The following LPAR3 variants were observed in gnomAD, a reference collection of about 807,000 sequenced individuals.
The protein encoded by LPAR3 is lysophosphatidic acid receptor 3.
Under a neutral mutation model 17.8 loss-of-function variants are expected in LPAR3, and 7 were observed. The observed-to-expected ratio is 0.39, with a 90% CI of 0.22 to 0.74. LPAR3 has a LOEUF of 0.74. LPAR3 is among the 30% of genes least tolerant of loss of function. LPAR3 has a pLI of 0.40. For missense variants in LPAR3, 391 were observed against 453.4 expected, an observed-to-expected ratio of 0.86 and a Z score of 1.25; for synonymous variants, 179 against 179.9, an observed-to-expected ratio of 0.99 and a Z score of 0.04.
intron 2 of LPAR3, among the ~76,000 whole-genome samples, chr1:84,855,859 G>A (rs114961301): frequency 1.6e-4 from 24 of 152,350 alleles, no homozygotes; most frequent in Non-Finnish European, 3.2e-4. Flanking sequence ...ATATGGCAGA[G>A]ACAGAAGAAA....
intron 2 of LPAR3, among the ~76,000 whole-genome samples, chr1:84,820,514 C>T (rs1434371980): frequency 6.6e-6 from 1 of 152,162 alleles, no homozygotes; most frequent in Non-Finnish European, 1.5e-5. Context: ...TAGCGTGAAG[C>T]ATCTGGGTAA....
intron 1 of LPAR3, among the ~76,000 whole-genome samples, chr1:84,887,655 G>A (rs1660485518): frequency 6.6e-6 from 1 of 152,170 alleles, no homozygotes; most frequent in Non-Finnish European, 1.5e-5. Context: ...CCAGCAGTGG[G>A]ATGGGTTGGC....
chr1:84,890,555 T>C (rs1660533843), intron 1 of LPAR3, among the ~76,000 whole-genome samples: 2 of 152,228 alleles, frequency 1.3e-5, no homozygotes, highest in Admixed American at 6.5e-5. Flanking sequence ...AAGCTTGGAC[T>C]GGAACAAAAG....
Position 84,814,092 on chromosome 1 carries a change from C to G in LPAR3, c.816G>C (p.Gln272His). The change falls in exon 3 of 3, where the codon CAG (glutamine) becomes CAC (histidine). Residue 272 changes from glutamine to histidine, a missense_variant. Transcript: ENST00000370611. ...DGLNCRQCGV[Q>H]HVKRWFLLLA... is the part of the protein sequence containing the mutation. ...GCAGCAGGAACCACCTTTTCACATG[C>G]TGCACGCCACACTGCCTGCAGTTCA... 5 of 1,614,188 alleles carry G rather than the reference C, an allele frequency of 3.1e-6. No homozygotes were observed. Among genetic ancestry groups the G allele is most frequent in the Non-Finnish European group, 4.2e-6 (5 of 1,180,036 alleles).
chr1:84,868,258 T>G (rs890030806), intron 1 of LPAR3, among the ~76,000 whole-genome samples: 2 of 152,124 alleles, frequency 1.3e-5, no homozygotes, highest in African/African-American at 2.4e-5. Context: ...CACAGGCGCA[T>G]GCCAGCACGC....
At chr1:84,820,204 G>T (rs998839897) in intron 2 of LPAR3, among the ~76,000 whole-genome samples, 13 of 152,322 alleles carry the variant, frequency 8.5e-5, no homozygotes, top group South Asian at 8.3e-4. Flanking sequence ...TGAGCATTGA[G>T]CTATACTAGA....
intron 1 of LPAR3, among the ~76,000 whole-genome samples, chr1:84,891,335 T>C (rs1210112852): frequency 6.6e-6 from 1 of 151,882 alleles, no homozygotes; most frequent in African/African-American, 2.4e-5. Context: ...GTAAGTGTTG[T>C]CCAAATAGTT....
intron 1 of LPAR3, 120 bp downstream of exon 1, chr1:84,892,896 C>G (rs999515027): frequency 1.3e-5 from 2 of 152,300 alleles, no homozygotes; most frequent in Non-Finnish European, 2.9e-5. Flanking sequence ...GCACGCCAGG[C>G]AACCCCGAAA....
intron 2 of LPAR3, among the ~76,000 whole-genome samples, chr1:84,843,066 C>T (rs377474029): frequency 1.3e-5 from 2 of 152,302 alleles, no homozygotes; most frequent in South Asian, 2.1e-4. Context: ...TGAGCTTCCG[C>T]CTTGGTCTTC....
At chr1:84,845,372 G>A (rs1659576915) in intron 2 of LPAR3, among the ~76,000 whole-genome samples, 1 of 152,168 alleles carries the variant, frequency 6.6e-6, no homozygotes, top group Non-Finnish European at 1.5e-5. Context: ...GAGGTGTAGA[G>A]AAAACGAATT....
chr1:84,860,269 C>A (rs925702130), intron 2 of LPAR3, among the ~76,000 whole-genome samples: 1 of 152,152 alleles, frequency 6.6e-6, no homozygotes, highest in Non-Finnish European at 1.5e-5. Flanking sequence ...CTTTTGTGTT[C>A]AACCAAAATC....
In LPAR3 at chr1:84,813,886, CTA is replaced by C; in HGVS notation, c.1020_1021del (p.Asp340GlufsTer3). The C allele has an allele frequency of 6.2e-7, 1 of 1,614,130 alleles. No individual in the cohort carries two copies. Among genetic ancestry groups the C allele is most frequent in the Non-Finnish European group, 8.5e-7 (1 of 1,180,024 alleles). ...ATTGCAGACTGCACCTTGGCTAATA[CTA>C]TCCTCTATGTACTGGCTGCCTGTGT... is the stretch of plus-strand genomic sequence containing the variant. On this transcript the variant is annotated frameshift_variant, in exon 3 of 3. Transcript: ENST00000370611. LOFTEE classifies it high-confidence loss of function.
intron 2 of LPAR3, among the ~76,000 whole-genome samples, chr1:84,859,187 G>C (rs546852518): frequency 2.0e-5 from 3 of 152,304 alleles, no homozygotes; most frequent in African/African-American, 7.2e-5. Flanking sequence ...GAAACATCAT[G>C]TGTGATTATT....
chr1:84,867,025 A>G (rs1660065075), intron 1 of LPAR3, among the ~76,000 whole-genome samples: 1 of 152,208 alleles, frequency 6.6e-6, no homozygotes, highest in Non-Finnish European at 1.5e-5. Context: ...ATGTGAGAAC[A>G]TATCTATTAA....
rs549086088 is a variant in LPAR3 at position 84,830,758 on chromosome 1, C to T, written c.737-16587G>A. ...AATGGAATGGAAAATTAAATGTGCT[C>T]CCTGCCAGGATTTCATGTAGAATGG... On this transcript the variant is annotated intron_variant, in intron 2 of 2. Coordinates refer to ENST00000370611, the MANE Select transcript of LPAR3 (RefSeq NM_012152.3). Among the ~76,000 whole-genome samples the T allele has an allele frequency of 6.6e-5, 10 of 152,224 alleles. 1 individual carries two copies. The South Asian group carries it at 2.1e-3, about 32-fold the overall frequency.
intron 1 of LPAR3, among the ~76,000 whole-genome samples, chr1:84,880,946 G>T (rs1660353656): frequency 6.6e-6 from 1 of 152,222 alleles, no homozygotes; most frequent in African/African-American, 2.4e-5. Flanking sequence ...CCAGGGCAGG[G>T]AGGTCTTAAT....
intron 2 of LPAR3, among the ~76,000 whole-genome samples, chr1:84,858,528 A>G (rs918775160): frequency 6.7e-6 from 1 of 149,688 alleles, no homozygotes; most frequent in Non-Finnish European, 1.5e-5. Context: ...ATTCTTACCT[A>G]TTTCCCTCCC....
chr1:84,892,432 C>T (rs933786329), intron 1 of LPAR3, among the ~76,000 whole-genome samples: 4 of 152,078 alleles, frequency 2.6e-5, no homozygotes, highest in Non-Finnish European at 1.5e-5. Context: ...TGCTACAGAA[C>T]AAAAGCACTT....
intron 1 of LPAR3, among the ~76,000 whole-genome samples, chr1:84,874,257 G>A (rs955799405): frequency 5.3e-5 from 8 of 152,188 alleles, no homozygotes; most frequent in Non-Finnish European, 1.0e-4. Flanking sequence ...TCAGCTCAGA[G>A]ATGGTGACAC....
Sources: allele counts gnomAD v4.1 joint callset (sites outside exome capture counted in the v4.1 genomes callset), GRCh38; gene constraint gnomAD v4.1.1; transcripts MANE v1.5; gene names NCBI Gene and HGNC (gene_info 2026-07-23, HGNC 2026-07-21).